The following DLG2 variants were observed in gnomAD, a reference collection of about 807,000 sequenced individuals.
DLG2 encodes disks large homolog 2.
A neutral mutation model predicts 132.5 loss-of-function variants in DLG2; 45 were observed. That is an observed-to-expected ratio of 0.34 (90% CI 0.27 to 0.44). The LOEUF is 0.44. Ranked by LOEUF, DLG2 falls within the 20% of genes least tolerant of loss-of-function variation. The pLI, the probability that DLG2 is intolerant of heterozygous loss-of-function variation, is 1.00. For synonymous variants in DLG2, 424 were observed against 419.6 expected (o/e 1.01, Z -0.13); for missense variants, 1,045 against 1,196.9 (o/e 0.87, Z 1.87).
intron 6 of DLG2, among the ~76,000 whole-genome samples, chr11:84,854,707 C>T (rs2082556898): frequency 6.6e-6 from 1 of 151,902 alleles, no homozygotes; most frequent in Non-Finnish European, 1.5e-5. Flanking sequence ...CTGTCCCTGC[C>T]CAAAATGCCT....
At chr11:84,738,365 C>T (rs1399939288) in intron 6 of DLG2, among the ~76,000 whole-genome samples, 2 of 151,534 alleles carry the variant, frequency 1.3e-5, no homozygotes, top group Non-Finnish European at 2.9e-5. Flanking sequence ...TAGTTGGTGC[C>T]AGAGAGGCAG....
chr11:85,130,420 A>T (rs1327054971), intron 5 of DLG2, among the ~76,000 whole-genome samples: 1 of 152,182 alleles, frequency 6.6e-6, no homozygotes, highest in Non-Finnish European at 1.5e-5. Context: ...GGAGGAGCCA[A>T]GGGGACAGTG....
intron 6 of DLG2, among the ~76,000 whole-genome samples, chr11:84,874,773 C>T (rs2154047660): frequency 6.6e-6 from 1 of 152,212 alleles, no homozygotes; most frequent in Non-Finnish European, 1.5e-5. Flanking sequence ...GTAATCCCAG[C>T]ACTTCCGGAG....
chr11:85,243,996 A>G (rs1386446882), intron 4 of DLG2, among the ~76,000 whole-genome samples: 4 of 151,996 alleles, frequency 2.6e-5, no homozygotes, highest in Non-Finnish European at 5.9e-5. Context: ...TGAAGTTTCA[A>G]TGAAAAAAAT....
chr11:85,545,167 A>T (rs1565664787), intron 3 of DLG2, among the ~76,000 whole-genome samples: 2 of 152,170 alleles, frequency 1.3e-5, no homozygotes, highest in Non-Finnish European at 2.9e-5. Flanking sequence ...ACGTTCCATC[A>T]ATATCTAGTT....
intron 6 of DLG2, among the ~76,000 whole-genome samples, chr11:84,969,402 G>A (rs1167247274): frequency 1.3e-5 from 2 of 152,118 alleles, no homozygotes; most frequent in Non-Finnish European, 1.5e-5. Flanking sequence ...CAAAACCACA[G>A]TGGCTCTCAT....
chr11:85,077,270 C>T (rs1158981508), intron 6 of DLG2, among the ~76,000 whole-genome samples: 2 of 151,878 alleles, frequency 1.3e-5, no homozygotes, highest in Non-Finnish European at 2.9e-5. Context: ...AGAACACCTG[C>T]GTTAAGGAGC....
chr11:84,148,863 C>T (rs1216041991), intron 9 of DLG2, among the ~76,000 whole-genome samples: 2 of 152,152 alleles, frequency 1.3e-5, no homozygotes, highest in East Asian at 1.9e-4. Flanking sequence ...CTTTTCTCCA[C>T]GTCCCTACCA....
chr11:84,395,399 T>G lies in DLG2; in HGVS notation c.519+139171A>C, dbSNP rs2098807603. ...CAACCCTCTGGAATCCTGTCTTCAC[T>G]TAGGTTTCTTTCTTCTTTTGCTTTT... is the stretch of plus-strand genomic sequence containing the variant. On this transcript the variant is annotated intron_variant, in intron 7 of 27. Coordinates refer to ENST00000376104, the MANE Select transcript of DLG2 (RefSeq NM_001142699.3). 1.3e-5 allele frequency among the ~76,000 whole-genome samples: 2 copies of G among 152,108 alleles called. 1 individual carries two copies. Among genetic ancestry groups the G allele is most frequent in the African/African-American group, 4.8e-5 (2 of 41,434 alleles).
At chr11:84,927,443 A>G (rs1360973001) in intron 6 of DLG2, among the ~76,000 whole-genome samples, 1 of 152,024 alleles carries the variant, frequency 6.6e-6, no homozygotes, top group East Asian at 1.9e-4. Context: ...AGGAATCAGT[A>G]TTCTATAGAG....
chr11:83,586,285 T>C (rs2097084500), intron 19 of DLG2, among the ~76,000 whole-genome samples: 2 of 152,214 alleles, frequency 1.3e-5, no homozygotes, highest in Non-Finnish European at 2.9e-5. Flanking sequence ...TTTACCAACA[T>C]AGGGAGAATC....
intron 11 of DLG2, among the ~76,000 whole-genome samples, chr11:83,988,693 A>G (rs948657575): frequency 6.6e-6 from 1 of 152,048 alleles, no homozygotes; most frequent in African/African-American, 2.4e-5. Flanking sequence ...TAGACTGTCA[A>G]TTTAGGGTCT....
At chr11:84,595,342 G>A (rs1028416004) in intron 6 of DLG2, among the ~76,000 whole-genome samples, 1 of 151,930 alleles carries the variant, frequency 6.6e-6, no homozygotes, top group Non-Finnish European at 1.5e-5. Context: ...CAAACTCTTG[G>A]GCTCAAGTGA....
At chr11:84,093,748 G>C (rs1459860978) in intron 10 of DLG2, among the ~76,000 whole-genome samples, 2 of 151,918 alleles carry the variant, frequency 1.3e-5, no homozygotes, top group African/African-American at 4.8e-5. Flanking sequence ...CTGAGTAGCT[G>C]GGATTACAGG....
rs2091078001 is a variant in DLG2, at chr11:85,430,239, T to G, written c.41-144874A>C. 7.3e-5 allele frequency among the ~76,000 whole-genome samples: 11 copies of G among 150,714 alleles called. 1 individual carries two copies. The South Asian group carries it at 2.3e-3, about 32-fold the overall frequency. On this transcript the variant is annotated intron_variant, in intron 3 of 27. Coordinates refer to ENST00000376104, the MANE Select transcript of DLG2 (RefSeq NM_001142699.3). ...AGGGGGGAGGGATAGCATTAGGAGA[T>G]ATACCTAATGTTAAATGACGAGTTG... is the stretch of plus-strand genomic sequence containing the variant.
At chr11:83,618,053 G>A (rs140013319) in intron 19 of DLG2, among the ~76,000 whole-genome samples, 15 of 152,118 alleles carry the variant, frequency 9.9e-5, no homozygotes, top group East Asian at 5.8e-4. Flanking sequence ...TATTTTTCAC[G>A]TTTTCTAAGA....
chr11:84,538,528 T>C (rs2099360813), intron 6 of DLG2, among the ~76,000 whole-genome samples: 1 of 152,152 alleles, frequency 6.6e-6, no homozygotes, highest in South Asian at 2.1e-4. Flanking sequence ...CCAGCGAGAT[T>C]AGCTTAAATT....
intron 3 of DLG2, among the ~76,000 whole-genome samples, chr11:85,430,534 CTT>C (rs1449455278): frequency 6.6e-6 from 1 of 151,874 alleles, no homozygotes; most frequent in Non-Finnish European, 1.5e-5. Context: ...ATTTTTAAAA[CTT>C]TAACAAAATG....
chr11:85,031,090 A>G (rs56110922), intron 6 of DLG2, among the ~76,000 whole-genome samples: 7 of 151,944 alleles, frequency 4.6e-5, no homozygotes, highest in African/African-American at 1.7e-4. Context: ...TTTTTTATAT[A>G]TAGGTTCTAT....
Sources: allele counts gnomAD v4.1 joint callset (sites outside exome capture counted in the v4.1 genomes callset), GRCh38; gene constraint gnomAD v4.1.1; transcripts MANE v1.5; gene names NCBI Gene and HGNC (gene_info 2026-07-23, HGNC 2026-07-21).